The following SLAMF7 variants were observed in gnomAD, a reference collection of about 807,000 sequenced individuals.
The protein encoded by SLAMF7 is SLAM family member 7.
In SLAMF7, 26 loss-of-function variants were observed where a neutral mutation model predicts 34.1. That is an observed-to-expected ratio of 0.76 (90% CI 0.56 to 1.06). The LOEUF (loss-of-function observed/expected upper bound fraction) is 1.06, where lower values mean the gene tolerates loss of function less well. Among genes scored for constraint, SLAMF7 ranks in the 50% least tolerant of loss-of-function variants. SLAMF7 has a pLI of 0.00. For missense variants in SLAMF7, 399 were observed against 402.5 expected (o/e 0.99, Z 0.07); for synonymous variants, 171 against 156.4 (o/e 1.09, Z -0.70).
In SLAMF7 at chr1:160,749,997, A is replaced by G; in HGVS notation, c.553A>G (p.Arg185Gly). The change falls in exon 3 of 7, where the codon AGA becomes GGA. Residue 185 changes from arginine (R) to glycine (G), a missense_variant. Arg to Gly is a moderately radical substitution (Grantham distance 125). Transcript: ENST00000368043. ...HNGSILPISW[R>G]WGESDMTFIC... ...TGGGTCCATCCTCCCCATCTCCTGG[A>G]GATGGGGAGAAAGTGATATGACCTT... is the stretch of plus-strand genomic sequence containing the variant. 6.2e-7 allele frequency: 1 copy of G among 1,614,126 alleles called. No individual in the cohort carries two copies. The highest frequency in any genetic ancestry group is 1.7e-4 in the Middle Eastern group (1 of 6,060).
chr1:160,748,596 G>A, intron 2 of SLAMF7, 82 bp downstream of exon 2: 1 of 1,300,340 alleles, frequency 7.7e-7, no homozygotes, highest in South Asian at 1.4e-5. Flanking sequence ...TTAAGCAGAG[G>A]CTGAATAAAC....
chr1:160,742,754 T>C (rs1391585911), intron 1 of SLAMF7, among the ~76,000 whole-genome samples: 1 of 152,204 alleles, frequency 6.6e-6, no homozygotes, highest in Non-Finnish European at 1.5e-5. Flanking sequence ...TCTTCCCTCT[T>C]CCAACATTTC....
rs531239174 is a variant in SLAMF7, at chr1:160,748,653, A to G, written c.376+139A>G. On this transcript the variant is annotated intron_variant, in intron 2 of 6. Coordinates refer to ENST00000368043, the MANE Select transcript of SLAMF7 (RefSeq NM_021181.5). ...GGGGACTTCTGCATGAATGAAATAG[A>G]TGTAGCTGACCCCTGAGGTCCCTGC... 18 of 794,228 alleles carry G rather than the reference A, an allele frequency of 2.3e-5. No individual in the cohort carries two copies. The East Asian group carries it at 4.6e-4, about 20-fold the overall frequency. 49.2% of individuals were successfully genotyped at this position (794,228 alleles called of 1,614,324 possible).
At chr1:160,749,004 T>A (rs1664348044) in intron 2 of SLAMF7, among the ~76,000 whole-genome samples, 1 of 152,188 alleles carries the variant, frequency 6.6e-6, no homozygotes, top group Non-Finnish European at 1.5e-5. Flanking sequence ...TCCTTTCAAT[T>A]CTAGACCTTG....
chr1:160,751,275 A>G (rs1408802732), intron 4 of SLAMF7, 70 bp from the exon 5 acceptor site: 2 of 1,158,148 alleles, frequency 1.7e-6, no homozygotes, highest in Admixed American at 3.4e-5. Context: ...CATCCAGGAG[A>G]AATGGTGGGC....
At chr1:160,747,843 G>A (rs1022172540) in intron 1 of SLAMF7, among the ~76,000 whole-genome samples, 3 of 152,192 alleles carry the variant, frequency 2.0e-5, no homozygotes, top group Admixed American at 6.5e-5. Context: ...CCCCACATCT[G>A]TTTACTGGTA....
rs75539790 is a variant in SLAMF7, at chr1:160,753,088, C to T, written c.937-18C>T. 6.2e-7 allele frequency: 1 copy of T among 1,612,870 alleles called. No individual in the cohort carries two copies. Among genetic ancestry groups the T allele is most frequent in the Non-Finnish European group, 8.5e-7 (1 of 1,179,270 alleles). Reference sequence around the variant, plus strand: ...CTGCTCACCTCCCTCACTCTACTTTCTTTTTGTCTGTCTTCAGATGGAAAA... The same window carrying T: ...CTGCTCACCTCCCTCACTCTACTTTTTTTTTGTCTGTCTTCAGATGGAAAA... On this transcript the variant is annotated intron_variant, in intron 6 of 6. Coordinates refer to ENST00000368043, the MANE Select transcript of SLAMF7 (RefSeq NM_021181.5).
chr1:160,746,083 CAG>C (rs897493233), intron 1 of SLAMF7, among the ~76,000 whole-genome samples: 1 of 152,148 alleles, frequency 6.6e-6, no homozygotes, highest in Non-Finnish European at 1.5e-5. Context: ...TGAAATGAAA[CAG>C]AGCCTGGATG....
chr1:160,745,197 G>T (rs1664031809), intron 1 of SLAMF7, among the ~76,000 whole-genome samples: 1 of 152,138 alleles, frequency 6.6e-6, no homozygotes, highest in Non-Finnish European at 1.5e-5. Flanking sequence ...CAAGGGAGTG[G>T]GTCACCATTT....
At chr1:160,741,620 CAAAT>C (rs1310174450) in intron 1 of SLAMF7, among the ~76,000 whole-genome samples, 4 of 151,906 alleles carry the variant, frequency 2.6e-5, no homozygotes, top group Non-Finnish European at 5.9e-5. Flanking sequence ...CAGAAAAAAA[CAAAT>C]AAATGACTCC....
rs373140991 is a variant in SLAMF7 at position 160,752,229 on chromosome 1, C to T, written c.917C>T (p.Thr306Ile). Residue 306 changes from threonine to isoleucine, a missense_variant, in exon 6 of 7, where the codon ACT (threonine) becomes ATT (isoleucine). By Grantham distance (89) the Thr-to-Ile change is moderately conservative (BLOSUM62 -1). Coordinates refer to ENST00000368043, the MANE Select transcript of SLAMF7 (RefSeq NM_021181.5). ...GATCCAGCAAATACGGTTTACTCCA[C>T]TGTGGAAATACCGAAAAAGGTAAGA... The part of the protein sequence containing the change: ...KEDPANTVYS[T>I]VEIPKKMENP... The T allele has an allele frequency of 6.2e-6, 10 of 1,613,208 alleles. No homozygotes were observed. The East Asian group carries it at 2.0e-4, about 32-fold the overall frequency.
intron 1 of SLAMF7, among the ~76,000 whole-genome samples, chr1:160,745,976 G>C (rs370089089): frequency 6.6e-6 from 1 of 152,138 alleles, no homozygotes; most frequent in Non-Finnish European, 1.5e-5. Flanking sequence ...TTGATATCTG[G>C]ATATGTCTGT....
At chr1:160,748,704 G>A (rs1163782725) in intron 2 of SLAMF7, among the ~76,000 whole-genome samples, 190 bp downstream of exon 2, 2 of 152,232 alleles carry the variant, frequency 1.3e-5, no homozygotes, top group African/African-American at 2.4e-5. Flanking sequence ...GTAAGAAGCA[G>A]CGTGGTGCAG....
chr1:160,754,556 G>A lies in SLAMF7; in HGVS notation c.*1379G>A, dbSNP rs1664874887. Reference sequence around the variant, plus strand: ...TCTTATACTTAAGTGAAAAACATGGGGAAGGGGAAAGGGGAATGGCTGCTT... The same window carrying A: ...TCTTATACTTAAGTGAAAAACATGGAGAAGGGGAAAGGGGAATGGCTGCTT... On this transcript the variant is annotated 3_prime_UTR_variant, in exon 7 of 7. Coordinates refer to ENST00000368043, the MANE Select transcript of SLAMF7 (RefSeq NM_021181.5). 6.6e-6 allele frequency: 1 copy of A among 152,332 alleles called. No homozygotes were observed. Among genetic ancestry groups the A allele is most frequent in the African/African-American group, 2.4e-5 (1 of 41,426 alleles). 9.4% of individuals were successfully genotyped at this position (152,332 alleles called of 1,614,324 possible).
intron 1 of SLAMF7, among the ~76,000 whole-genome samples, chr1:160,743,244 G>C (rs147097364): frequency 6.6e-6 from 1 of 152,236 alleles, no homozygotes; most frequent in Non-Finnish European, 1.5e-5. Context: ...AGAGTTGGAG[G>C]CTTCCTCAGG....
At chr1:160,748,143 G>C in intron 1 of SLAMF7, 51 bp from the exon 2 acceptor site, 1 of 1,568,726 alleles carries the variant, frequency 6.4e-7, no homozygotes, top group Non-Finnish European at 8.7e-7. Context: ...GTGAGTAATT[G>C]GTGACAAGGA....
At chr1:160,752,994 G>A (rs902551521) in intron 6 of SLAMF7, 112 bp from the exon 7 acceptor site, 9 of 900,120 alleles carry the variant, frequency 1.0e-5, no homozygotes, top group Middle Eastern at 2.7e-4. Context: ...CATGCCAGCC[G>A]ATTTGGGTTG....
intron 3 of SLAMF7, 104 bp from the exon 4 acceptor site, chr1:160,750,200 G>C: frequency 6.3e-7 from 1 of 1,576,184 alleles, no homozygotes. Flanking sequence ...GAGGCCGCTG[G>C]GTGGTCACCA....
rs144623761 is a variant in SLAMF7, at chr1:160,753,525, A to G, written c.*348A>G. On this transcript the variant is annotated 3_prime_UTR_variant, in exon 7 of 7. Transcript: ENST00000368043. ...AGCCTGTTGTATTAATGATGGCTCCAGGTCAGTGTCTGGAGTTTCATTCCA... is the reference window on the plus strand; with the variant it reads ...AGCCTGTTGTATTAATGATGGCTCCGGGTCAGTGTCTGGAGTTTCATTCCA... The G allele has an allele frequency of 2.7e-4, 59 of 220,828 alleles. No homozygotes were observed. The highest frequency in any genetic ancestry group is 1.2e-3 in the African/African-American group (52 of 43,316). 13.7% of individuals were successfully genotyped at this position (220,828 alleles called of 1,614,324 possible). A position where few individuals can be genotyped will look rare whatever the true frequency, so the allele number is the denominator to read the frequency against.
Sources: allele counts gnomAD v4.1 joint callset (sites outside exome capture counted in the v4.1 genomes callset), GRCh38; gene constraint gnomAD v4.1.1; transcripts MANE v1.5; gene names NCBI Gene and HGNC (gene_info 2026-07-23, HGNC 2026-07-21).